The following MLKL variants were observed in gnomAD, a reference collection of about 807,000 sequenced individuals.
MLKL encodes the protein mixed lineage kinase domain-like protein.
MLKL carries 55 observed loss-of-function variants against 56.5 expected under a neutral mutation model. The ratio of observed to expected loss-of-function variants is 0.97; its 90% CI spans 0.78 to 1.22. The LOEUF is 1.22. Among genes scored for constraint, MLKL ranks in the 50% most tolerant of loss-of-function variants. MLKL has a pLI of 0.00. For synonymous variants in MLKL, 251 were observed against 208.3 expected, an observed-to-expected ratio of 1.20 and a Z score of -1.76; for missense variants, 694 against 573.9, an observed-to-expected ratio of 1.21 and a Z score of -2.14.
chr16:74,695,725 G>A lies in MLKL; in HGVS notation c.33C>T (p.Gly11=). The A allele has an allele frequency of 6.2e-7, 1 of 1,606,910 alleles. No individual in the cohort carries two copies. The change falls in exon 2 of 11, where the codon GGC becomes GGT. Residue 11 remains glycine (G), a synonymous_variant. Transcript: ENST00000308807. MENLKHIITL[G]QVIHKRCEEM... ...CTTCACACCGTTTGTGGATGACCTG[G>A]CCAAGGGTGATAATATGCTTCAAAT...
chr16:74,683,197 T>C (rs1178887623), intron 5 of MLKL, among the ~76,000 whole-genome samples: 1 of 151,440 alleles, frequency 6.6e-6, no homozygotes, highest in African/African-American at 2.4e-5. Flanking sequence ...TAATCCCATC[T>C]ACTTGGGAGG....
Position 74,672,194 on chromosome 16 carries a change from T to C in MLKL, c.*310A>G. ...ACAGTGCCAGCCCAGATTCAAATGG[T>C]GGGGAAAGAGACTTCATTTATGGAA... is the stretch of plus-strand genomic sequence containing the variant. On this transcript the variant is annotated 3_prime_UTR_variant, in exon 11 of 11. Transcript: ENST00000308807. The C allele has an allele frequency of 3.6e-6, 1 of 275,588 alleles. No individual in the cohort carries two copies. Among genetic ancestry groups the C allele is most frequent in the Non-Finnish European group, 6.9e-6 (1 of 144,284 alleles). The allele number at this position is 275,588 out of a possible 1,614,324, so 17.1% of individuals were successfully genotyped here. A position where few individuals can be genotyped will look rare whatever the true frequency, so the allele number is the denominator to read the frequency against.
intron 8 of MLKL, 82 bp downstream of exon 8, chr16:74,675,531 T>A (rs1014458869): frequency 4.1e-5 from 64 of 1,570,790 alleles, no homozygotes; most frequent in Non-Finnish European, 5.4e-5. Flanking sequence ...GAGTTGAGTT[T>A]AGGTGGTCCT....
intron 6 of MLKL, among the ~76,000 whole-genome samples, chr16:74,682,094 A>AT (rs1274168401): frequency 7.5e-6 from 1 of 133,364 alleles, no homozygotes; most frequent in East Asian, 2.9e-4. Context: ...AAAAATATAT[A>AT]TAAAAAAAAA....
At chr16:74,684,539 G>A (rs988541839) in intron 5 of MLKL, among the ~76,000 whole-genome samples, 35 of 151,002 alleles carry the variant, frequency 2.3e-4, no homozygotes, top group African/African-American at 8.3e-4. Flanking sequence ...CTGTCACCCA[G>A]GCTGGAGTGC....
chr16:74,675,376 T>G lies in MLKL; in HGVS notation c.1219A>C (p.Thr407Pro), dbSNP rs751697660. ...SFGIVLWEIA[T>P]GDIPFQGCNS... ...TCACCTTGAAACGGGATATCTCCAG[T>G]GGCGATTTCCCAGAGGACGATTCCA... Residue 407 changes from threonine (T) to proline (P), a missense_variant, in exon 9 of 11, where the codon ACT (threonine) becomes CCT (proline). By Grantham distance (38) the Thr-to-Pro change is conservative. Coordinates refer to ENST00000308807, the MANE Select transcript of MLKL (RefSeq NM_152649.4). 6.2e-7 allele frequency: 1 copy of G among 1,614,154 alleles called. No homozygotes were observed. The highest frequency in any genetic ancestry group is 2.2e-5 in the East Asian group (1 of 44,880).
At chr16:74,685,976 T>G (rs1053605984) in intron 4 of MLKL, among the ~76,000 whole-genome samples, 15 of 151,446 alleles carry the variant, frequency 9.9e-5, no homozygotes, top group Non-Finnish European at 1.6e-4. Flanking sequence ...TTTTTTTTTT[T>G]GGAGACAGGG....
intron 4 of MLKL, 104 bp downstream of exon 4, chr16:74,691,173 A>C: frequency 9.3e-7 from 1 of 1,076,702 alleles, no homozygotes; most frequent in Non-Finnish European, 1.4e-6. Context: ...TTAACCCTTT[A>C]GGGCCCAGGC....
chr16:74,695,759 C>T lies in MLKL; in HGVS notation c.-2G>A, dbSNP rs1481258142. On this transcript the variant is annotated splice_region_variant and 5_prime_UTR_variant, in exon 2 of 11. Transcript: ENST00000308807. The stretch of plus-strand genomic sequence containing the variant: ...GATAATATGCTTCAAATTTTCCATG[C>T]CTGGAAGAAATGAATGGAATTTGGT... 3.8e-6 allele frequency: 6 copies of T among 1,579,196 alleles called. No homozygotes were observed. Among genetic ancestry groups the T allele is most frequent in the South Asian group, 2.3e-5 (2 of 87,246 alleles).
chr16:74,691,505 G>C, intron 3 of MLKL, 42 bp from the exon 4 acceptor site: 2 of 1,587,610 alleles, frequency 1.3e-6, no homozygotes, highest in Non-Finnish European at 8.5e-7. Flanking sequence ...AAGAGTCAAT[G>C]AGCAGAGGAA....
At chr16:74,693,497 G>GAAAGAAA (rs1292675677) in intron 2 of MLKL, among the ~76,000 whole-genome samples, 1 of 129,546 alleles carries the variant, frequency 7.7e-6, no homozygotes, top group African/African-American at 2.9e-5. Flanking sequence ...AAGAAAGAAA[G>GAAAGAAA]AAAAGAAAAA....
rs12932878 is a variant in MLKL at position 74,681,667 on chromosome 16, A to T, written c.956+984T>A. ...AAATTAGCCAGGCGTAGTGGCAGGC[A>T]CCTGTAGTCCCAGCTACTCGGGAGG... On this transcript the variant is annotated intron_variant, in intron 6 of 10. Transcript: ENST00000308807. Among the ~76,000 whole-genome samples, 508 of 151,532 alleles carry T rather than the reference A, an allele frequency of 3.4e-3. 1 individual carries two copies. Among genetic ancestry groups the T allele is most frequent in the African/African-American group, 0.012 (487 of 41,324 alleles).
At chr16:74,675,135 C>G in intron 9 of MLKL, 35 bp from the exon 10 acceptor site, 1 of 1,610,554 alleles carries the variant, frequency 6.2e-7, no homozygotes, top group East Asian at 2.2e-5. Context: ...CAAAAAATTG[C>G]TCCGCTACTC....
chr16:74,683,464 G>A (rs1960119027), intron 5 of MLKL, among the ~76,000 whole-genome samples: 1 of 150,886 alleles, frequency 6.6e-6, no homozygotes, highest in Non-Finnish European at 1.5e-5. Flanking sequence ...GGTGTGGTGG[G>A]ACATGCCTGT....
At chr16:74,678,834 C>G in intron 7 of MLKL, 65 bp downstream of exon 7, 3 of 1,129,252 alleles carry the variant, frequency 2.7e-6, no homozygotes, top group Non-Finnish European at 4.1e-6. Flanking sequence ...CTGAGACACT[C>G]GTGCCCCTCT....
intron 9 of MLKL, 41 bp from the exon 10 acceptor site, chr16:74,675,141 T>C: frequency 1.2e-6 from 2 of 1,609,552 alleles, no homozygotes; most frequent in Non-Finnish European, 1.7e-6. Flanking sequence ...ATTGCTCCGC[T>C]ACTCGTACAT....
chr16:74,681,311 C>A (rs1165599007), intron 6 of MLKL, among the ~76,000 whole-genome samples: 1 of 152,032 alleles, frequency 6.6e-6, no homozygotes, highest in Non-Finnish European at 1.5e-5. Context: ...TGGGCGTGAG[C>A]CACTGGGCCA....
At position 74,682,755 on chromosome 16, in the gene MLKL, C is replaced by T. The variant is rs1443645761; in HGVS notation, c.852G>A (p.Glu284=). ...VTPPQFSIVM[E]YCELGTLREL... ...CCCTCAGGGTCCCGAGTTCACAGTA[C>T]TCCATGACAATGGAGAATTGAGGCG... The change falls in exon 6 of 11, where the codon GAG becomes GAA. Residue 284 remains glutamate, a synonymous_variant. Coordinates refer to ENST00000308807, the MANE Select transcript of MLKL (RefSeq NM_152649.4). 1.2e-6 allele frequency: 2 copies of T among 1,613,984 alleles called. No homozygotes were observed. The highest frequency in any genetic ancestry group is 1.7e-6 in the Non-Finnish European group (2 of 1,180,028).
chr16:74,676,160 G>A, intron 7 of MLKL: 1 of 784,878 alleles, frequency 1.3e-6, no homozygotes, highest in Non-Finnish European at 1.6e-6. Context: ...CCACTGCCTG[G>A]CTCGCCTTTT....
Sources: allele counts gnomAD v4.1 joint callset (sites outside exome capture counted in the v4.1 genomes callset), GRCh38; gene constraint gnomAD v4.1.1; transcripts MANE v1.5; gene names NCBI Gene and HGNC (gene_info 2026-07-23, HGNC 2026-07-21).